The following HDAC3 variants were observed in gnomAD, a reference collection of about 807,000 sequenced individuals.
HDAC3 encodes SMAP45.
HDAC3 carries 21 observed loss-of-function variants against 62.3 expected under a neutral mutation model. The ratio of observed to expected loss-of-function variants is 0.34; its 90% confidence interval spans 0.24 to 0.49. The LOEUF (loss-of-function observed/expected upper bound fraction) is 0.49, where lower values mean the gene tolerates loss of function less well. HDAC3 is among the 20% of genes least tolerant of loss of function. The probability of loss-of-function intolerance (pLI) is 0.99; values close to 1 mark genes in which losing one functional copy is unlikely to be tolerated. For missense variants in HDAC3, 270 were observed against 556.9 expected, an observed-to-expected ratio of 0.48 and a Z score of 5.19; for synonymous variants, 198 against 206.5, an observed-to-expected ratio of 0.96 and a Z score of 0.35.
At position 141,625,292 on chromosome 5, in the gene HDAC3, T is replaced by C. The variant is rs2099904293; in HGVS notation, c.1133A>G (p.His378Arg). 6.2e-7 allele frequency: 1 copy of C among 1,614,208 alleles called. No homozygotes were observed. Among genetic ancestry groups the C allele is most frequent in the Non-Finnish European group, 8.5e-7 (1 of 1,180,038 alleles). Residue 378 changes from histidine (H) to arginine (R), a missense_variant, in exon 14 of 15, where the codon CAT becomes CGT. Around this residue, in one of 5 missense-constraint regions of HDAC3, gnomAD observed 44 missense variants for 64.3 expected, o/e 0.68. Coordinates refer to ENST00000305264, the MANE Select transcript of HDAC3 (RefSeq NM_003883.4). This position sits in a 1 kb window ranked among gnomAD's most constrained non-coding sequence, Gnocchi z 4.0. ...MLNHAPSVQI[H>R]DVPADLLTYD... ...GGTCAGGAGGTCTGCAGGCACGTCA[T>C]GAATCTGGACACTAGGTGCATGGTT...
At chr5:141,632,558 C>T (rs549652165) in intron 3 of HDAC3, among the ~76,000 whole-genome samples, 52 of 152,260 alleles carry the variant, frequency 3.4e-4, no homozygotes, top group Non-Finnish European at 6.2e-4. Context: ...AGAGCATCTA[C>T]GGGACCCCAG....
intron 2 of HDAC3, chr5:141,635,155 C>T (rs1054555662): frequency 6.0e-5 from 31 of 516,286 alleles, no homozygotes; most frequent in African/African-American, 4.3e-4. Flanking sequence ...CACTTCTTTT[C>T]CTTTCCACCT....
rs1017915233 is a variant in HDAC3 at position 141,625,423 on chromosome 5, A to C, written c.1060-58T>G. ...TTTCCAGAGATTCCCAGGACATGGA[A>C]TCTCCTAGCTGCCTTTTACCCCTAC... On this transcript the variant is annotated intron_variant, in intron 13 of 14. Coordinates refer to ENST00000305264, the MANE Select transcript of HDAC3 (RefSeq NM_003883.4). This position sits in a 1 kb window ranked among gnomAD's most constrained non-coding sequence, Gnocchi z 4.0. 1 of 1,584,302 alleles carries C rather than the reference A, an allele frequency of 6.3e-7. No homozygotes were observed. Among genetic ancestry groups the C allele is most frequent in the Non-Finnish European group, 8.7e-7 (1 of 1,154,524 alleles).
chr5:141,627,905 A>G lies in HDAC3; in HGVS notation c.818T>C (p.Ile273Thr), dbSNP rs1330297719. The change falls in exon 10 of 15, where the codon ATC becomes ACC. Residue 273 changes from isoleucine to threonine, a missense_variant. Coordinates refer to ENST00000305264, the MANE Select transcript of HDAC3 (RefSeq NM_003883.4). ...CDRLGCFNLS[I>T]RGHGECVEYV... ...GAGCAAGTCTCACCCATGCCCTCGG[A>G]TGCTGAGGTTAAAGCAGCCCAATCG... 1 of 1,614,166 alleles carries G rather than the reference A, an allele frequency of 6.2e-7. No individual in the cohort carries two copies. The highest frequency in any genetic ancestry group is 8.5e-7 in the Non-Finnish European group (1 of 1,180,024).
chr5:141,629,994 G>A lies in HDAC3; in HGVS notation c.363+50C>T, dbSNP rs561579563. ...GAGCCCAGGATCAGGGTTAAATCCCGAGTCCAGGGATCCAGAGGAAAGGAA... is the reference window on the plus strand; with the variant it reads ...GAGCCCAGGATCAGGGTTAAATCCCAAGTCCAGGGATCCAGAGGAAAGGAA... On this transcript the variant is annotated intron_variant, in intron 4 of 14. Transcript: ENST00000305264. This position sits in a 1 kb window ranked among gnomAD's most constrained non-coding sequence, Gnocchi z 5.3. 3.1e-5 allele frequency: 50 copies of A among 1,611,756 alleles called. No homozygotes were observed. The highest frequency in any genetic ancestry group is 4.4e-5 in the South Asian group (4 of 91,028).
chr5:141,622,318 C>T (rs888967029), intron 14 of HDAC3, among the ~76,000 whole-genome samples: 7 of 152,178 alleles, frequency 4.6e-5, no homozygotes, highest in African/African-American at 1.7e-4. Context: ...AAAAAGTATT[C>T]TCAAAAGCCG....
In HDAC3 at chr5:141,623,213, T is replaced by A. The variant is rs536069666; in HGVS notation, c.1218-1676A>T. On this transcript the variant is annotated intron_variant, in intron 14 of 14. Transcript: ENST00000305264. Reference sequence around the variant, plus strand: ...GAAAATAAGAGCCATCAGAGTTGTCTGATGGCAACAGAATGATCATATATA... The same window carrying A: ...GAAAATAAGAGCCATCAGAGTTGTCAGATGGCAACAGAATGATCATATATA... Among the ~76,000 whole-genome samples, 3 of 152,326 alleles carry A rather than the reference T, an allele frequency of 2.0e-5. No individual in the cohort carries two copies. In the South Asian group the frequency reaches 6.2e-4, roughly 32 times the overall value.
rs918063624 is a variant in HDAC3, at chr5:141,621,669, T to C, written c.1218-132A>G. Reference sequence around the variant, plus strand: ...TCTTGTTGGTAGAGACTGCTATTCATTCACCCATTCACGTATCAAATAAAC... The same window carrying C: ...TCTTGTTGGTAGAGACTGCTATTCACTCACCCATTCACGTATCAAATAAAC... On this transcript the variant is annotated intron_variant, in intron 14 of 14. Transcript: ENST00000305264. The C allele has an allele frequency of 1.2e-5, 8 of 668,170 alleles. No individual in the cohort carries two copies. The African/African-American group carries it at 1.4e-4, about 12-fold the overall frequency. The allele number at this position is 668,170 out of a possible 1,614,324, so 41.4% of individuals were successfully genotyped here.
intron 3 of HDAC3, 147 bp from the exon 4 acceptor site, chr5:141,630,272 T>G (rs1596442407): frequency 1.3e-6 from 1 of 748,522 alleles, no homozygotes; most frequent in East Asian, 2.7e-5. Context: ...GCAAATTTAT[T>G]CAACAAATAT....
chr5:141,625,509 TC>T lies in HDAC3; in HGVS notation c.1060-145del. 1 of 1,112,962 alleles carries T rather than the reference TC, an allele frequency of 9.0e-7. No individual in the cohort carries two copies. The highest frequency in any genetic ancestry group is 1.3e-5 in the South Asian group (1 of 76,636). The allele number at this position is 1,112,962 out of a possible 1,614,324, so 68.9% of individuals were successfully genotyped here. ...AGGTCCCCCAACTGATAGCTCTCCC[TC>T]CCCACCAACCCCAACTGCCTCTACT... On this transcript the variant is annotated intron_variant, in intron 13 of 14. Transcript: ENST00000305264. This position sits in a 1 kb window ranked among gnomAD's most constrained non-coding sequence, Gnocchi z 4.0.
At chr5:141,624,694 C>CA (rs1415461536) in intron 14 of HDAC3, among the ~76,000 whole-genome samples, 1 of 151,312 alleles carries the variant, frequency 6.6e-6, no homozygotes, top group Non-Finnish European at 1.5e-5. Flanking sequence ...ATTGTAATAC[C>CA]AAAAAAATGG....
At chr5:141,630,210 A>G in intron 3 of HDAC3, 85 bp from the exon 4 acceptor site, 1 of 1,272,770 alleles carries the variant, frequency 7.9e-7, no homozygotes, top group Non-Finnish European at 1.1e-6. Flanking sequence ...GATTCCTCCA[A>G]TCTCCATTTT....
intron 14 of HDAC3, among the ~76,000 whole-genome samples, chr5:141,624,230 T>C (rs1278987667): frequency 6.6e-6 from 1 of 151,316 alleles, no homozygotes; most frequent in East Asian, 1.9e-4. Flanking sequence ...GACGGCAATT[T>C]GGCAGCAAAT....
At chr5:141,624,280 A>G (rs140948970) in intron 14 of HDAC3, among the ~76,000 whole-genome samples, 3,379 of 146,642 alleles carry the variant, frequency 0.023, 52 homozygotes, top group East Asian at 0.048. Context: ...TCACGCCTAT[A>G]ATCCCAGCAC....
At position 141,629,244 on chromosome 5, in the gene HDAC3, G is replaced by A; in HGVS notation, c.539C>T (p.Ala180Val). The change falls in exon 7 of 15, where the codon GCT becomes GTT. Residue 180 changes from alanine (A) to valine (V), a missense_variant. Ala to Val is a moderately conservative substitution (Grantham distance 64, BLOSUM62 0). This residue lies in a region of HDAC3 where 156 missense variants were observed against 383.9 expected (regional missense o/e 0.41). Transcript: ENST00000305264. The surrounding 1 kb of genome is among the most constrained non-coding windows in gnomAD (Gnocchi z 5.3). ...CATGACCCGGTCAGTGAGGTAGAAA[G>A]CTTCTTGAACCCCGTCACCATGGTG... is the stretch of plus-strand genomic sequence containing the variant. ...DIHHGDGVQE[A>V]FYLTDRVMTV... is the part of the protein sequence containing the mutation. 6.2e-7 allele frequency: 1 copy of A among 1,614,186 alleles called. No individual in the cohort carries two copies. Among genetic ancestry groups the A allele is most frequent in the Non-Finnish European group, 8.5e-7 (1 of 1,180,024 alleles).
Position 141,625,436 on chromosome 5 carries a change from CT to C in HDAC3, c.1060-72del. ...CCAGGACATGGAATCTCCTAGCTGCCTTTTACCCCTACCATACTGGTTTTCA... is the reference window on the plus strand; with the variant it reads ...CCAGGACATGGAATCTCCTAGCTGCCTTTACCCCTACCATACTGGTTTTCA... On this transcript the variant is annotated intron_variant, in intron 13 of 14. Transcript: ENST00000305264. The surrounding 1 kb of genome is among the most constrained non-coding windows in gnomAD (Gnocchi z 4.0). The C allele has an allele frequency of 6.5e-7, 1 of 1,537,006 alleles. No individual in the cohort carries two copies. The highest frequency in any genetic ancestry group is 9.0e-7 in the Non-Finnish European group (1 of 1,113,080).
intron 10 of HDAC3, among the ~76,000 whole-genome samples, chr5:141,627,658 T>C (rs1443754139): frequency 6.6e-6 from 1 of 152,134 alleles, no homozygotes; most frequent in Admixed American, 6.5e-5. Flanking sequence ...CCTTATTCCA[T>C]CCCCATGATG....
chr5:141,624,226 A>T (rs2099904117), intron 14 of HDAC3, among the ~76,000 whole-genome samples: 1 of 151,444 alleles, frequency 6.6e-6, no homozygotes, highest in Non-Finnish European at 1.5e-5. Context: ...TCTGGACGGC[A>T]ATTTGGCAGC....
chr5:141,630,002 G>A (rs1413995133), intron 4 of HDAC3, 42 bp downstream of exon 4: 2 of 1,612,606 alleles, frequency 1.2e-6, no homozygotes, highest in South Asian at 2.2e-5. Context: ...CCGAGTCCAG[G>A]GATCCAGAGG....
Sources: gnomAD v4.1 joint callset for allele counts (sites outside exome capture counted in the v4.1 genomes callset) on GRCh38, gnomAD v4.1.1 for gene constraint, gnomAD v4.1.1 regional missense constraint, Gnocchi (gnomAD v3.1) non-coding constraint, MANE v1.5 for transcripts, NCBI Gene and HGNC (gene_info 2026-07-23, HGNC 2026-07-21) for gene names.